Variants in TXK observed in about 807,000 individuals in gnomAD.
TXK encodes the protein TXK tyrosine kinase.
Under a neutral mutation model 81.0 loss-of-function variants are expected in TXK, and 60 were observed. That is an observed-to-expected ratio of 0.74 (90% CI 0.60 to 0.92). The LOEUF (loss-of-function observed/expected upper bound fraction) is 0.92, where lower values mean the gene tolerates loss of function less well. Ranked by LOEUF, TXK falls within the 40% of genes least tolerant of loss-of-function variation. TXK has a pLI of 0.00. For missense variants in TXK, 581 were observed against 638.3 expected (o/e 0.91, Z 0.97); for synonymous variants, 203 against 210.7 (o/e 0.96, Z 0.32).
intron 5 of TXK, among the ~76,000 whole-genome samples, chr4:48,106,985 A>T (rs948209564): frequency 3.9e-5 from 6 of 152,140 alleles, no homozygotes; most frequent in African/African-American, 1.4e-4. Context: ...GATTTCCAGG[A>T]TCATTTAAAG....
intron 1 of TXK, among the ~76,000 whole-genome samples, chr4:48,122,736 A>T (rs980349416): frequency 2.0e-5 from 3 of 152,268 alleles, no homozygotes; most frequent in Non-Finnish European, 4.4e-5. Flanking sequence ...TGTTTGAAAG[A>T]GCACAAAATT....
chr4:48,068,929 G>C (rs1181962630), intron 14 of TXK, among the ~76,000 whole-genome samples: 1 of 152,228 alleles, frequency 6.6e-6, no homozygotes, highest in Non-Finnish European at 1.5e-5. Flanking sequence ...TGAGGAGCCT[G>C]TTTCTGCGCA....
chr4:48,108,033 T>C (rs1006890419), intron 5 of TXK, among the ~76,000 whole-genome samples: 1 of 151,930 alleles, frequency 6.6e-6, no homozygotes, highest in African/African-American at 2.4e-5. Context: ...ATCACGACAC[T>C]GCACTCCAGC....
At chr4:48,123,868 C>T (rs763836639) in intron 1 of TXK, among the ~76,000 whole-genome samples, 3 of 152,188 alleles carry the variant, frequency 2.0e-5, no homozygotes, top group Non-Finnish European at 4.4e-5. Context: ...CCCACCCTGA[C>T]TACTTTAGCT....
chr4:48,075,287 G>T (rs547683901), intron 12 of TXK, among the ~76,000 whole-genome samples: 5 of 152,264 alleles, frequency 3.3e-5, no homozygotes, highest in Middle Eastern at 3.4e-3. Flanking sequence ...GCAGAAAGAT[G>T]CCAGTGAACA....
chr4:48,074,169 T>C, intron 12 of TXK, 116 bp from the exon 13 acceptor site: 2 of 738,874 alleles, frequency 2.7e-6, no homozygotes, highest in Admixed American at 2.3e-5. Context: ...CCCAGAAAGG[T>C]TGTGGATGCC....
At chr4:48,132,108 CA>C (rs1365512617) in intron 1 of TXK, among the ~76,000 whole-genome samples, 2 of 149,862 alleles carry the variant, frequency 1.3e-5, no homozygotes, top group Admixed American at 1.3e-4. Flanking sequence ...TTCGCTTAAA[CA>C]GATGATATTT....
chr4:48,117,108 G>A (rs1170561883), intron 1 of TXK, among the ~76,000 whole-genome samples: 6 of 152,172 alleles, frequency 3.9e-5, no homozygotes, highest in Admixed American at 3.3e-4. Flanking sequence ...GCCTAGTCTC[G>A]GACTCCTGAC....
intron 1 of TXK, among the ~76,000 whole-genome samples, chr4:48,122,138 G>A (rs1205090516): frequency 6.6e-6 from 1 of 152,024 alleles, no homozygotes; most frequent in African/African-American, 2.4e-5. Flanking sequence ...TTTGTCTTAA[G>A]TCTGATCATG....
At chr4:48,124,420 CT>C (rs150052658) in intron 1 of TXK, among the ~76,000 whole-genome samples, 29 of 149,380 alleles carry the variant, frequency 1.9e-4, no homozygotes, top group African/African-American at 5.4e-4. Flanking sequence ...GCATCTTATC[CT>C]TTTTTTTTTA....
At chr4:48,103,101 G>T (rs1486735179) in intron 6 of TXK, among the ~76,000 whole-genome samples, 1 of 152,126 alleles carries the variant, frequency 6.6e-6, no homozygotes, top group African/African-American at 2.4e-5. Context: ...TCTGGGTTGC[G>T]GGCCTGTGCG....
intron 10 of TXK, among the ~76,000 whole-genome samples, chr4:48,084,353 C>G (rs1163284733): frequency 2.0e-5 from 3 of 152,054 alleles, no homozygotes; most frequent in Non-Finnish European, 4.4e-5. Context: ...GTTAGCCTCC[C>G]AGAATGAATC....
intron 11 of TXK, 31 bp downstream of exon 11, chr4:48,079,881 A>G (rs775051636): frequency 9.6e-7 from 1 of 1,036,520 alleles, no homozygotes; most frequent in Admixed American, 3.2e-5. Flanking sequence ...GTATGATACA[A>G]AAAAAAAAAG....
rs766424081 is a variant in TXK at position 48,086,542 on chromosome 4, T to A, written c.880A>T (p.Ile294Phe). 3 of 1,614,120 alleles carry A rather than the reference T, an allele frequency of 1.9e-6. No individual in the cohort carries two copies. In the South Asian group the frequency reaches 3.3e-5, roughly 18 times the overall value. Reference protein sequence around the residue: ...VVHLGEWRSHIQVAIKAINEG... With the variant: ...VVHLGEWRSHFQVAIKAINEG... ...TTGATGGCCTTGATAGCTACCTGGA[T>A]ATGTGACCGCCATTCACCTAAATGG... The change falls in exon 10 of 15, where the codon ATC becomes TTC. Residue 294 changes from isoleucine (I) to phenylalanine (F), a missense_variant. Coordinates refer to ENST00000264316, the MANE Select transcript of TXK (RefSeq NM_003328.3).
intron 1 of TXK, 89 bp downstream of exon 1, chr4:48,134,066 C>T (rs1719315506): frequency 6.7e-7 from 1 of 1,492,768 alleles, no homozygotes; most frequent in Non-Finnish European, 9.2e-7. Context: ...AGCTCTATGC[C>T]TTGGAAAAAA....
chr4:48,113,239 G>A lies in TXK; in HGVS notation c.142C>T (p.Pro48Ser). The A allele has an allele frequency of 6.2e-7, 1 of 1,613,292 alleles. No homozygotes were observed. The highest frequency in any genetic ancestry group is 2.2e-5 in the East Asian group (1 of 44,882). The change falls in exon 3 of 15, where the codon CCG becomes TCG. Residue 48 changes from proline to serine, a missense_variant. Physicochemically the swap from Pro to Ser is moderately conservative, Grantham distance 74. Transcript: ENST00000264316. ...TTATTTGACAATTGGCTGAGCCACG[G>A]CCTGCGACGCTGGGTGTATTTTTCT... ...LPEKYTQRRR[P>S]WLSQLSNKKQ...
Position 48,085,950 on chromosome 4 carries a change from G to A in TXK, c.956+516C>T, listed in dbSNP as rs140389320. Among the ~76,000 whole-genome samples, 558 of 152,286 alleles carry A rather than the reference G, an allele frequency of 3.7e-3. 11 individuals carry two copies. The highest frequency in any genetic ancestry group is 0.031 in the Admixed American group (477 of 15,296). On this transcript the variant is annotated intron_variant, in intron 10 of 14. Transcript: ENST00000264316. ...AAGGACCCAGGTATCAAGAGGGCAG[G>A]ATGCAAAAGGCTGTCACCCTGACTT... is the stretch of plus-strand genomic sequence containing the variant.
At chr4:48,090,222 GACTATAA>G (rs1354510823) in intron 8 of TXK, among the ~76,000 whole-genome samples, 1 of 152,138 alleles carries the variant, frequency 6.6e-6, no homozygotes, top group Non-Finnish European at 1.5e-5. Context: ...ATATGTCATT[GACTATAA>G]ACAGAGCTTA....
chr4:48,068,226 C>T (rs1385438951), intron 14 of TXK, among the ~76,000 whole-genome samples: 2 of 152,194 alleles, frequency 1.3e-5, no homozygotes, highest in Non-Finnish European at 2.9e-5. Flanking sequence ...TTCAGCATCT[C>T]AGAAAGTACT....
Sources: allele counts gnomAD v4.1 joint callset (sites outside exome capture counted in the v4.1 genomes callset), GRCh38; gene constraint gnomAD v4.1.1; transcripts MANE v1.5; gene names NCBI Gene and HGNC (gene_info 2026-07-23, HGNC 2026-07-21).